Variants in GRM8 observed in about 807,000 individuals in gnomAD.
GRM8 encodes the protein metabotropic glutamate receptor 8.
GRM8 carries 47 observed loss-of-function variants against 87.2 expected under a neutral mutation model. The ratio of observed to expected loss-of-function variants is 0.54; its 90% CI spans 0.43 to 0.69. The LOEUF is 0.69. GRM8 is among the 30% of genes least tolerant of loss of function. The pLI is 0.00. For synonymous variants in GRM8, 396 were observed against 404.5 expected, an observed-to-expected ratio of 0.98 and a Z score of 0.25; for missense variants, 1,019 against 1,139.2, an observed-to-expected ratio of 0.89 and a Z score of 1.52.
chr7:126,568,410 T>A (rs1173429828), intron 8 of GRM8, among the ~76,000 whole-genome samples: 2 of 152,174 alleles, frequency 1.3e-5, no homozygotes, highest in East Asian at 3.9e-4. Flanking sequence ...ATGTAAGTCT[T>A]TAAAACTAAG....
chr7:127,135,710 G>A (rs991869380), intron 2 of GRM8, among the ~76,000 whole-genome samples: 5 of 150,932 alleles, frequency 3.3e-5, no homozygotes, highest in Non-Finnish European at 7.4e-5. Flanking sequence ...ATTGGGCAGA[G>A]AGATTATATT....
intron 6 of GRM8, among the ~76,000 whole-genome samples, chr7:126,770,955 G>A (rs1818780087): frequency 6.6e-6 from 1 of 151,860 alleles, no homozygotes; most frequent in Non-Finnish European, 1.5e-5. Context: ...AGAAAAATTT[G>A]GTAGATGGCA....
intron 3 of GRM8, among the ~76,000 whole-genome samples, chr7:126,967,194 C>G (rs1255867232): frequency 6.6e-6 from 1 of 151,746 alleles, no homozygotes; most frequent in Admixed American, 6.6e-5. Context: ...CACCTTTCTC[C>G]CTTTATATAT....
intron 3 of GRM8, among the ~76,000 whole-genome samples, chr7:126,967,221 T>C (rs144847674): frequency 1.4e-3 from 208 of 152,284 alleles, no homozygotes; most frequent in African/African-American, 4.7e-3. Flanking sequence ...TCAAGATTAT[T>C]GGATTTGATC....
chr7:126,723,056 C>T (rs941264372), intron 7 of GRM8, among the ~76,000 whole-genome samples: 2 of 141,184 alleles, frequency 1.4e-5, no homozygotes, highest in African/African-American at 5.9e-5. Context: ...CAAGGCTGTG[C>T]ATTTGCAGGT....
chr7:126,725,339 T>C (rs945173921), intron 7 of GRM8, among the ~76,000 whole-genome samples: 4 of 152,198 alleles, frequency 2.6e-5, no homozygotes, highest in African/African-American at 9.6e-5. Context: ...CAGATTGTGA[T>C]GCTCAAGACC....
Position 127,024,672 on chromosome 7 carries a change from T to G in GRM8, c.727+81824A>C, listed in dbSNP as rs140514356. 7.2e-5 allele frequency among the ~76,000 whole-genome samples: 11 copies of G among 152,210 alleles called. No homozygotes were observed. In the East Asian group the frequency reaches 2.1e-3, roughly 30 times the overall value. ...ACAAGGTCTCCCAGAAATTGATCCCTGACCTCATCACATATCAGGTCTTCC... is the reference window on the plus strand; with the variant it reads ...ACAAGGTCTCCCAGAAATTGATCCCGGACCTCATCACATATCAGGTCTTCC... On this transcript the variant is annotated intron_variant, in intron 3 of 10. Transcript: ENST00000339582.
At chr7:126,534,968 G>C (rs1489924796) in intron 8 of GRM8, among the ~76,000 whole-genome samples, 1 of 152,128 alleles carries the variant, frequency 6.6e-6, no homozygotes, top group African/African-American at 2.4e-5. Flanking sequence ...CACTAGAGCA[G>C]AGCCCTGAGG....
At chr7:126,846,324 G>A (rs957294587) in intron 6 of GRM8, among the ~76,000 whole-genome samples, 20 of 152,348 alleles carry the variant, frequency 1.3e-4, no homozygotes, top group African/African-American at 4.8e-4. Flanking sequence ...TGTAGGAGAA[G>A]ATGATTCCCT....
intron 10 of GRM8, among the ~76,000 whole-genome samples, chr7:126,441,035 T>C (rs1178926178): frequency 1.3e-5 from 2 of 151,990 alleles, no homozygotes; most frequent in African/African-American, 4.8e-5. Flanking sequence ...CTACAAAATA[T>C]AAAAAATATT....
intron 3 of GRM8, among the ~76,000 whole-genome samples, chr7:127,006,689 G>C (rs1445621353): frequency 6.6e-6 from 1 of 151,862 alleles, no homozygotes; most frequent in Non-Finnish European, 1.5e-5. Context: ...TCATTCTCTG[G>C]CATTTTCTTT....
rs931438384 is a variant in GRM8, at chr7:126,637,385, G to T, written c.1358-27887C>A. On this transcript the variant is annotated intron_variant, in intron 7 of 10. Coordinates refer to ENST00000339582, the MANE Select transcript of GRM8 (RefSeq NM_000845.3). Reference sequence around the variant, plus strand: ...CTGGAGATGAGTAGTAGTGATGGTTGTTCAACAAGGTGAATGCACTTCACA... The same window carrying T: ...CTGGAGATGAGTAGTAGTGATGGTTTTTCAACAAGGTGAATGCACTTCACA... Among the ~76,000 whole-genome samples the T allele has an allele frequency of 3.7e-4, 56 of 152,058 alleles. 1 individual carries two copies. Among genetic ancestry groups the T allele is most frequent in the Non-Finnish European group, 1.2e-4 (8 of 67,976 alleles).
intron 6 of GRM8, among the ~76,000 whole-genome samples, chr7:126,852,736 T>C (rs1797325738): frequency 6.6e-6 from 1 of 152,172 alleles, no homozygotes; most frequent in South Asian, 2.1e-4. Context: ...ATCCAGCCTG[T>C]GTAATTAATC....
chr7:126,462,603 T>C (rs1804011424), intron 9 of GRM8, among the ~76,000 whole-genome samples: 2 of 151,674 alleles, frequency 1.3e-5, no homozygotes, highest in African/African-American at 4.8e-5. Context: ...GATGCTATTA[T>C]TAAAACTATG....
In GRM8 at chr7:126,612,087, A is replaced by G. The variant is rs79288902; in HGVS notation, c.1358-2589T>C. On this transcript the variant is annotated intron_variant, in intron 7 of 10. Transcript: ENST00000339582. ...CCTATATCTCACATTTCTCAGTTATATAGTGGGCTAATAGCAATTCCCACC... is the reference window on the plus strand; with the variant it reads ...CCTATATCTCACATTTCTCAGTTATGTAGTGGGCTAATAGCAATTCCCACC... Among the ~76,000 whole-genome samples the G allele has an allele frequency of 9.6e-3, 1,468 of 152,288 alleles. 23 individuals are homozygous for G. Among genetic ancestry groups the G allele is most frequent in the African/African-American group, 0.034 (1,399 of 41,552 alleles).
chr7:127,156,217 C>T (rs1165915748), intron 2 of GRM8, among the ~76,000 whole-genome samples: 6 of 152,104 alleles, frequency 3.9e-5, no homozygotes, highest in Non-Finnish European at 8.8e-5. Flanking sequence ...GTTCTCTTTG[C>T]TCTGTACAAC....
At chr7:126,901,309 TTCC>T (rs1802052119) in intron 6 of GRM8, among the ~76,000 whole-genome samples, 1 of 152,178 alleles carries the variant, frequency 6.6e-6, no homozygotes, top group Non-Finnish European at 1.5e-5. Context: ...TCTAATTACC[TTCC>T]TCCTCCTAAT....
chr7:127,200,339 A>C (rs1429175084), intron 2 of GRM8, among the ~76,000 whole-genome samples: 4 of 152,218 alleles, frequency 2.6e-5, no homozygotes, highest in Non-Finnish European at 4.4e-5. Flanking sequence ...ATAATGTCAG[A>C]ATTAATTTCC....
At chr7:127,106,412 T>G (rs1825805527) in intron 3 of GRM8, 84 bp downstream of exon 3, 2 of 1,066,348 alleles carry the variant, frequency 1.9e-6, no homozygotes, top group Non-Finnish European at 2.8e-6. Flanking sequence ...AATTATTCCC[T>G]ACAGATAAGA....
Sources: gnomAD v4.1 joint callset for allele counts (sites outside exome capture counted in the v4.1 genomes callset) on GRCh38, gnomAD v4.1.1 for gene constraint, MANE v1.5 for transcripts, NCBI Gene and HGNC (gene_info 2026-07-23, HGNC 2026-07-21) for gene names.